The following FMN1 variants were observed in gnomAD, a reference collection of about 807,000 sequenced individuals.
FMN1 encodes formin 1.
FMN1 carries 110 observed loss-of-function variants against 132.4 expected under a neutral mutation model. That is an observed-to-expected ratio of 0.83 (90% CI 0.71 to 0.97). The LOEUF is 0.97. Ranked by LOEUF, FMN1 falls within the 50% of genes least tolerant of loss-of-function variation. The pLI is 0.00. For missense variants in FMN1, 1,792 were observed against 1,705.3 expected (o/e 1.05, Z -0.90); for synonymous variants, 722 against 651.7 (o/e 1.11, Z -1.64).
At chr15:32,950,396 T>C (rs1229866430) in intron 9 of FMN1, among the ~76,000 whole-genome samples, 1 of 151,994 alleles carries the variant, frequency 6.6e-6, no homozygotes, top group East Asian at 1.9e-4. Flanking sequence ...TGTATGTTCA[T>C]TAAAACACCA....
At chr15:32,842,339 G>C (rs2058762976) in intron 17 of FMN1, among the ~76,000 whole-genome samples, 1 of 152,156 alleles carries the variant, frequency 6.6e-6, no homozygotes, top group Non-Finnish European at 1.5e-5. Flanking sequence ...GCAGCCTACA[G>C]ATGATTTCAA....
intron 4 of FMN1, among the ~76,000 whole-genome samples, chr15:33,126,427 GGAGA>G (rs1963076223): frequency 6.6e-6 from 1 of 152,070 alleles, no homozygotes; most frequent in Non-Finnish European, 1.5e-5. Flanking sequence ...GAGGGTGAGA[GGAGA>G]AGGTGGGTGC....
rs1018752920 is a variant in FMN1 at position 32,975,988 on chromosome 15, G to A, written c.2224-6511C>T. 4.6e-5 allele frequency among the ~76,000 whole-genome samples: 7 copies of A among 152,070 alleles called. No individual in the cohort carries two copies. The South Asian group carries it at 1.5e-3, about 32-fold the overall frequency. ...ACTTTTGCTTGTCTGGTCCCCACAA[G>A]CATGTCTGTCAAAAAGAAGGTGGAA... On this transcript the variant is annotated intron_variant, in intron 7 of 20. Transcript: ENST00000616417.
chr15:33,125,834 TTCA>T lies in FMN1; in HGVS notation c.1867+27211_1867+27213del, dbSNP rs1963008106. Among the ~76,000 whole-genome samples, 6 of 152,366 alleles carry T rather than the reference TTCA, an allele frequency of 3.9e-5. No homozygotes were observed. In the South Asian group the frequency reaches 1.0e-3, roughly 26 times the overall value. Reference sequence around the variant, plus strand: ...TTCATGTAGTTCATCAAGAATGTGCTTCATCAGTAATACTAAATCTCTAAATGT... The same window carrying T: ...TTCATGTAGTTCATCAAGAATGTGCTTCAGTAATACTAAATCTCTAAATGT... On this transcript the variant is annotated intron_variant, in intron 4 of 20. Coordinates refer to ENST00000616417, the MANE Select transcript of FMN1 (RefSeq NM_001277313.2).
At chr15:32,796,617 TA>T (rs1480620237) in intron 19 of FMN1, among the ~76,000 whole-genome samples, 3 of 152,212 alleles carry the variant, frequency 2.0e-5, no homozygotes, top group Non-Finnish European at 2.9e-5. Context: ...CCTCATTTAA[TA>T]GAAAAATTCC....
intron 7 of FMN1, among the ~76,000 whole-genome samples, chr15:33,002,647 C>A (rs1385706400): frequency 6.6e-6 from 1 of 152,132 alleles, no homozygotes; most frequent in East Asian, 1.9e-4. Flanking sequence ...GCGACTTAGC[C>A]CCAGCAGGTT....
intron 6 of FMN1, among the ~76,000 whole-genome samples, chr15:33,061,418 G>A (rs2037476363): frequency 6.6e-6 from 1 of 151,844 alleles, no homozygotes; most frequent in Admixed American, 6.6e-5. Context: ...AAAAATACAA[G>A]ATATATACAT....
At chr15:32,969,550 A>G (rs1215034631) in intron 7 of FMN1, 73 bp from the exon 8 acceptor site, 7 of 1,506,384 alleles carry the variant, frequency 4.6e-6, no homozygotes, top group Non-Finnish European at 6.3e-6. Flanking sequence ...GAAACTCAAT[A>G]ATACCATCAT....
chr15:32,802,949 G>C (rs2057530022), intron 18 of FMN1, among the ~76,000 whole-genome samples: 2 of 152,126 alleles, frequency 1.3e-5, no homozygotes. Flanking sequence ...CACGATTTGA[G>C]AATATGTCTG....
chr15:32,912,821 C>T (rs953158585), intron 10 of FMN1, among the ~76,000 whole-genome samples: 1 of 152,038 alleles, frequency 6.6e-6, no homozygotes, highest in Non-Finnish European at 1.5e-5. Context: ...ATTTTCTGAG[C>T]TTCAGCATAT....
At chr15:32,943,169 G>C in intron 9 of FMN1, among the ~76,000 whole-genome samples, 1 of 152,174 alleles carries the variant, frequency 6.6e-6, no homozygotes, top group African/African-American at 2.4e-5. Flanking sequence ...AACCATTTCA[G>C]ATAAGGGATA....
At chr15:33,110,414 A>T (rs1434403229) in intron 4 of FMN1, among the ~76,000 whole-genome samples, 5 of 152,112 alleles carry the variant, frequency 3.3e-5, no homozygotes, top group Admixed American at 2.6e-4. Flanking sequence ...CTGGAAATAA[A>T]TGTAAATTTT....
At chr15:33,090,029 C>T (rs1463793025) in intron 4 of FMN1, among the ~76,000 whole-genome samples, 2 of 152,200 alleles carry the variant, frequency 1.3e-5, no homozygotes, top group African/African-American at 2.4e-5. Context: ...ATCTGCTAAA[C>T]ATGTCGCAAG....
chr15:32,836,530 G>A (rs539099303), intron 17 of FMN1, among the ~76,000 whole-genome samples: 5 of 152,070 alleles, frequency 3.3e-5, no homozygotes, highest in South Asian at 4.2e-4. Flanking sequence ...ACAAATGCCC[G>A]CATGCTTTCT....
chr15:32,964,236 T>G lies in FMN1; in HGVS notation c.3009A>C (p.Leu1003Phe). Reference protein sequence around the residue: ...SDRSQNATPTLWDSLEEPDIR... With the variant: ...SDRSQNATPTFWDSLEEPDIR... ...TGTCAGGTTCTTCTAAGGAGTCCCA[T>G]AAGGTTGGTGTAGCATTTTGGCTTA... Residue 1003 changes from leucine to phenylalanine, a missense_variant, in exon 9 of 21, where the codon TTA (leucine) becomes TTC (phenylalanine). Physicochemically the swap from Leu to Phe is conservative, Grantham distance 22. Transcript: ENST00000616417. 13 of 1,607,370 alleles carry G rather than the reference T, an allele frequency of 8.1e-6. No individual in the cohort carries two copies. Among genetic ancestry groups the G allele is most frequent in the Non-Finnish European group, 1.1e-5 (13 of 1,176,342 alleles).
At chr15:33,008,926 G>A (rs745721977) in intron 6 of FMN1, among the ~76,000 whole-genome samples, 36 of 152,186 alleles carry the variant, frequency 2.4e-4, no homozygotes, top group Non-Finnish European at 3.8e-4. Flanking sequence ...GAGTAAGCAA[G>A]AAGCAGTTTG....
intron 7 of FMN1, among the ~76,000 whole-genome samples, chr15:32,970,982 G>A (rs1230187223): frequency 6.6e-6 from 1 of 152,144 alleles, no homozygotes; most frequent in African/African-American, 2.4e-5. Context: ...TCTGGACACC[G>A]TCTATTTCTC....
intron 3 of FMN1, among the ~76,000 whole-genome samples, chr15:33,177,514 C>T (rs1272622224): frequency 6.6e-6 from 1 of 152,112 alleles, no homozygotes; most frequent in Non-Finnish European, 1.5e-5. Context: ...TGTAAAAAGG[C>T]CTTTTGTTCT....
At chr15:33,069,993 C>CTCTTTTTTTTTTTTTTTTTTTT (rs398026774) in intron 5 of FMN1, among the ~76,000 whole-genome samples, 1 of 74,292 alleles carries the variant, frequency 1.3e-5, no homozygotes, top group Non-Finnish European at 2.5e-5. Flanking sequence ...CAGTCTTTCT[C>CTCTTTTTTTTTTTTTTTTTTTT]TTTTTTTTTT....
Sources: gnomAD v4.1 joint callset for allele counts (sites outside exome capture counted in the v4.1 genomes callset) on GRCh38, gnomAD v4.1.1 for gene constraint, MANE v1.5 for transcripts, NCBI Gene and HGNC (gene_info 2026-07-23, HGNC 2026-07-21) for gene names.